ADAMTSL1: variants seen among roughly 807,000 people sequenced by gnomAD.
ADAMTSL1 encodes the protein ADAMTS like 1.
A neutral mutation model predicts 201.8 loss-of-function variants in ADAMTSL1; 126 were observed. The observed-to-expected ratio is 0.62, with a 90% confidence interval of 0.54 to 0.72. The LOEUF is 0.72. ADAMTSL1 is among the 30% of genes least tolerant of loss of function. The pLI is 0.00. For missense variants in ADAMTSL1, 2,679 were observed against 2,277.8 expected, an observed-to-expected ratio of 1.18 and a Z score of -3.59; for synonymous variants, 1,121 against 903.4, an observed-to-expected ratio of 1.24 and a Z score of -4.32.
At chr9:18,097,112 A>G (rs908382722) in intron 1 of ADAMTSL1, among the ~76,000 whole-genome samples, 2 of 152,108 alleles carry the variant, frequency 1.3e-5, no homozygotes, top group African/African-American at 2.4e-5. Context: ...TTCCAAGCCA[A>G]CGTTGATCCC....
rs74382264 is a variant in ADAMTSL1, at chr9:18,499,508, A to C, written c.64-5321A>C. 5.6e-3 allele frequency among the ~76,000 whole-genome samples: 853 copies of C among 152,334 alleles called. 10 individuals are homozygous for C. The highest frequency in any genetic ancestry group is 0.019 in the African/African-American group (810 of 41,580). On this transcript the variant is annotated intron_variant, in intron 1 of 28. Transcript: ENST00000380548. The stretch of plus-strand genomic sequence containing the variant: ...CAGATTTGTTTCCAAAGCTTCAGAC[A>C]TGGCCAGGATGTTTCTGTGTATAGA...
At chr9:18,205,198 A>G (rs1024659892) in intron 2 of ADAMTSL1, among the ~76,000 whole-genome samples, 1 of 152,212 alleles carries the variant, frequency 6.6e-6, no homozygotes, top group Non-Finnish European at 1.5e-5. Context: ...TGATTTTACT[A>G]TGTTAAAACA....
At chr9:17,933,084 A>G (rs1175793498) in intron 1 of ADAMTSL1, among the ~76,000 whole-genome samples, 1 of 152,160 alleles carries the variant, frequency 6.6e-6, no homozygotes, top group Non-Finnish European at 1.5e-5. Context: ...ATAAATTGCC[A>G]CAAATCAAGT....
intron 5 of ADAMTSL1, among the ~76,000 whole-genome samples, chr9:18,633,188 G>A (rs914930545): frequency 1.3e-5 from 2 of 152,142 alleles, no homozygotes; most frequent in East Asian, 1.9e-4. Context: ...TTTGAACTGT[G>A]GGTAAACAAA....
chr9:17,936,267 T>C (rs1299336223), intron 1 of ADAMTSL1, among the ~76,000 whole-genome samples: 1 of 152,180 alleles, frequency 6.6e-6, no homozygotes, highest in Non-Finnish European at 1.5e-5. Context: ...ATTGAAATTC[T>C]TGTTTACTTA....
chr9:18,672,466 C>A (rs929396695), intron 9 of ADAMTSL1, among the ~76,000 whole-genome samples: 3 of 152,066 alleles, frequency 2.0e-5, no homozygotes, highest in Non-Finnish European at 1.5e-5. Flanking sequence ...AATCCTAATA[C>A]CAATAACTAA....
At chr9:18,693,126 C>G (rs913532039) in intron 13 of ADAMTSL1, among the ~76,000 whole-genome samples, 2 of 152,126 alleles carry the variant, frequency 1.3e-5, no homozygotes, top group African/African-American at 4.8e-5. Flanking sequence ...AACCTAGGAA[C>G]AGTTCCAAAA....
intron 4 of ADAMTSL1, among the ~76,000 whole-genome samples, chr9:18,619,817 G>T (rs143364394): frequency 9.5e-4 from 145 of 152,290 alleles, no homozygotes; most frequent in Middle Eastern, 3.4e-3. Context: ...TTGGACGCCT[G>T]AGAGTGGAAA....
At chr9:18,729,427 G>A (rs1292202865) in intron 15 of ADAMTSL1, among the ~76,000 whole-genome samples, 2 of 152,166 alleles carry the variant, frequency 1.3e-5, no homozygotes, top group East Asian at 1.9e-4. Flanking sequence ...AAGTCTGCAG[G>A]GAGCAAGACC....
Position 18,636,052 on chromosome 9 carries a change from G to T in ADAMTSL1, c.676+35G>T, listed in dbSNP as rs13287455. On this transcript the variant is annotated intron_variant, in intron 6 of 28. Transcript: ENST00000380548. ...TCCATTGTTTTCCTTTGGGAATTGG[G>T]AATTGTAGTCATTATTATTTATTTT... 0.035 allele frequency: 51,949 copies of T among 1,486,166 alleles called. 1,231 individuals are homozygous for T. Among genetic ancestry groups the T allele is most frequent in the East Asian group, 0.13 (5,368 of 41,600 alleles). 92.1% of individuals were successfully genotyped at this position (1,486,166 alleles called of 1,614,324 possible). A position where few individuals can be genotyped will look rare whatever the true frequency, so the allele number is the denominator to read the frequency against.
chr9:18,542,883 A>T (rs1019704630), intron 3 of ADAMTSL1, among the ~76,000 whole-genome samples: 30 of 152,332 alleles, frequency 2.0e-4, no homozygotes, highest in African/African-American at 7.0e-4. Flanking sequence ...CTATGGCATC[A>T]TGGGTAATTT....
In ADAMTSL1 at chr9:18,865,989, T is replaced by C. The variant is rs537757364; in HGVS notation, c.4250-21842T>C. 3.3e-5 allele frequency among the ~76,000 whole-genome samples: 5 copies of C among 151,816 alleles called. No homozygotes were observed. The South Asian group carries it at 1.0e-3, about 32-fold the overall frequency. On this transcript the variant is annotated intron_variant, in intron 23 of 28. Coordinates refer to ENST00000380548, the MANE Select transcript of ADAMTSL1 (RefSeq NM_001040272.6). Reference sequence around the variant, plus strand: ...GCCTTAAATACTGTGAACTTCTTCGTTGAAGGAAAGGGAGGGTTGGGAATG... The same window carrying C: ...GCCTTAAATACTGTGAACTTCTTCGCTGAAGGAAAGGGAGGGTTGGGAATG...
chr9:18,796,536 A>AT (rs1180103383), intron 20 of ADAMTSL1: 30 of 152,366 alleles, frequency 2.0e-4, no homozygotes, highest in African/African-American at 7.0e-4. Flanking sequence ...TTATGTTGTC[A>AT]TACTGTACTC....
chr9:18,723,536 C>A, intron 15 of ADAMTSL1: 1 of 162,736 alleles, frequency 6.1e-6, no homozygotes, highest in Admixed American at 6.0e-5. Flanking sequence ...TATCCTGTGA[C>A]CCTTTTGTTG....
chr9:18,764,887 T>C (rs919363326), intron 16 of ADAMTSL1, among the ~76,000 whole-genome samples: 6 of 152,248 alleles, frequency 3.9e-5, no homozygotes, highest in African/African-American at 1.4e-4. Flanking sequence ...CTATATACTG[T>C]TGGAGGTCTG....
At chr9:18,508,341 T>C (rs898427203) in intron 2 of ADAMTSL1, among the ~76,000 whole-genome samples, 2 of 152,182 alleles carry the variant, frequency 1.3e-5, no homozygotes, top group African/African-American at 4.8e-5. Context: ...CTGTATTTTC[T>C]CCTTTTTTGT....
At chr9:18,311,382 T>G (rs1200600330) in intron 2 of ADAMTSL1, among the ~76,000 whole-genome samples, 1 of 151,946 alleles carries the variant, frequency 6.6e-6, no homozygotes, top group Non-Finnish European at 1.5e-5. Context: ...CAGAATGATA[T>G]CGTTTTATCA....
chr9:18,309,773 G>T (rs1390992630), intron 2 of ADAMTSL1, among the ~76,000 whole-genome samples: 1 of 151,826 alleles, frequency 6.6e-6, no homozygotes, highest in Non-Finnish European at 1.5e-5. Context: ...GTAATTTACA[G>T]ATTCAATGCT....
intron 2 of ADAMTSL1, among the ~76,000 whole-genome samples, chr9:18,281,915 A>G (rs192616796): frequency 6.6e-6 from 1 of 152,060 alleles, no homozygotes; most frequent in Non-Finnish European, 1.5e-5. Flanking sequence ...AGTCAATTCA[A>G]TGTATTTTCT....
Sources: allele counts gnomAD v4.1 joint callset (sites outside exome capture counted in the v4.1 genomes callset), GRCh38; gene constraint gnomAD v4.1.1; transcripts MANE v1.5; gene names NCBI Gene and HGNC (gene_info 2026-07-23, HGNC 2026-07-21).